The following PRP4K variants were observed in gnomAD, a reference collection of about 807,000 sequenced individuals.
The protein encoded by PRP4K is serine/threonine-protein kinase PRP4 homolog.
At chr6:4,022,863 A>G in the PRP4K span, among the ~76,000 whole-genome samples, 2 of 152,200 alleles carry the variant, frequency 1.3e-5, no homozygotes, top group East Asian at 3.8e-4. Context: ...TACTAATCTG[A>G]AAAGTTCTGT....
chr6:4,040,782 C>A, the PRP4K span: 186 of 1,613,436 alleles, frequency 1.2e-4, no homozygotes, highest in Admixed American at 7.7e-4. Context: ...GGACAGAGGT[C>A]GGAGGAGCAG....
At chr6:4,042,747 C>T in the PRP4K span, among the ~76,000 whole-genome samples, 4 of 152,006 alleles carry the variant, frequency 2.6e-5, no homozygotes. Context: ...GATGGTTGCT[C>T]TTTGTTGGTT....
the PRP4K span, chr6:4,061,930 T>G: frequency 1.3e-5 from 2 of 152,634 alleles, no homozygotes; most frequent in East Asian, 1.9e-4. Flanking sequence ...TTTAAAAGTT[T>G]TTGTCTTCAG....
the PRP4K span, chr6:4,032,295 G>A: frequency 9.9e-6 from 16 of 1,613,410 alleles, 1 homozygote; most frequent in South Asian, 1.4e-4. Flanking sequence ...ATCTCCTACT[G>A]ATGATAAGGT....
the PRP4K span, chr6:4,040,784 G>T: frequency 5.6e-6 from 9 of 1,613,786 alleles, no homozygotes; most frequent in Middle Eastern, 3.3e-4. Context: ...ACAGAGGTCG[G>T]AGGAGCAGAT....
the PRP4K span, chr6:4,021,451 T>G: frequency 1.9e-6 from 3 of 1,585,104 alleles, no homozygotes; most frequent in Non-Finnish European, 2.6e-6. Flanking sequence ...ACCCAGTCGC[T>G]ACGGGAGCAG....
chr6:4,035,914 G>A, the PRP4K span, among the ~76,000 whole-genome samples: 6 of 151,960 alleles, frequency 3.9e-5, no homozygotes, highest in Admixed American at 2.6e-4. Flanking sequence ...GCAGTGAGCC[G>A]AGGTCACACC....
chr6:4,026,988 A>G, the PRP4K span, among the ~76,000 whole-genome samples: 1 of 152,204 alleles, frequency 6.6e-6, no homozygotes, highest in Non-Finnish European at 1.5e-5. Context: ...GAGTATGCCT[A>G]TTCAAGGAAC....
At chr6:4,049,196 T>C in the PRP4K span, 1 of 1,194,674 alleles carries the variant, frequency 8.4e-7, no homozygotes. Context: ...ATTGGAGAAC[T>C]CTGAAAAATC....
chr6:4,042,241 G>A, the PRP4K span, among the ~76,000 whole-genome samples: 1 of 152,162 alleles, frequency 6.6e-6, no homozygotes, highest in African/African-American at 2.4e-5. Context: ...TGTAAACCTG[G>A]AGTTATTTCT....
At chr6:4,060,359 T>G in the PRP4K span, 1 of 1,486,960 alleles carries the variant, frequency 6.7e-7, no homozygotes, top group Non-Finnish European at 9.2e-7. This position sits in a 1 kb window ranked among gnomAD's most constrained non-coding sequence, Gnocchi z 4.7. Context: ...CTGATTTAAG[T>G]TGTATATGCT....
chr6:4,058,802 A>G, the PRP4K span: 1 of 1,608,916 alleles, frequency 6.2e-7, no homozygotes, highest in Non-Finnish European at 8.5e-7. Context: ...AAGTTGATAA[A>G]GTAACAGAGA....
At chr6:4,058,415 T>A in the PRP4K span, among the ~76,000 whole-genome samples, 10 of 152,230 alleles carry the variant, frequency 6.6e-5, no homozygotes, top group African/African-American at 2.4e-4. Context: ...TTTGTGATAT[T>A]TTTAGGAAGA....
the PRP4K span, among the ~76,000 whole-genome samples, chr6:4,036,318 C>T: frequency 6.6e-6 from 1 of 152,090 alleles, no homozygotes; most frequent in Non-Finnish European, 1.5e-5. Context: ...GCCTCCCAGG[C>T]TTACACAATC....
At chr6:4,058,813 G>T in the PRP4K span, 1 of 1,602,498 alleles carries the variant, frequency 6.2e-7, no homozygotes, top group South Asian at 1.1e-5. Context: ...GTAACAGAGA[G>T]GGTAAGTGTT....
the PRP4K span, chr6:4,037,523 C>T: frequency 1.9e-5 from 31 of 1,614,090 alleles, no homozygotes; most frequent in African/African-American, 6.7e-5. Flanking sequence ...GTTCCCCACT[C>T]AGACGTAGCA....
the PRP4K span, among the ~76,000 whole-genome samples, chr6:4,029,090 G>A: frequency 6.7e-6 from 1 of 149,504 alleles, no homozygotes; most frequent in South Asian, 2.1e-4. Flanking sequence ...TGTGATCATA[G>A]GTCATTGCAG....
the PRP4K span, chr6:4,052,740 T>TA: frequency 1.3e-6 from 2 of 1,594,440 alleles, no homozygotes; most frequent in Non-Finnish European, 1.7e-6. Context: ...CGAGAGGTGT[T>TA]AAAAAAATAT....
chr6:4,032,093 T>C, the PRP4K span: 1 of 1,613,432 alleles, frequency 6.2e-7, no homozygotes, highest in Admixed American at 1.7e-5. Flanking sequence ...AAGAACGGAC[T>C]AGACATAGGT....
Sources: gnomAD v4.1 joint callset for allele counts (sites outside exome capture counted in the v4.1 genomes callset) on GRCh38, gnomAD v4.1.1 for gene constraint, Gnocchi (gnomAD v3.1) non-coding constraint, MANE v1.5 for transcripts, NCBI Gene and HGNC (gene_info 2026-07-23, HGNC 2026-07-21) for gene names.